Variants in RIF1 observed in about 807,000 individuals in gnomAD.
The protein encoded by RIF1 is replication timing regulatory factor 1.
RIF1 carries 45 observed loss-of-function variants against 247.1 expected under a neutral mutation model. That is an observed-to-expected ratio of 0.18 (90% confidence interval 0.14 to 0.23). The LOEUF is 0.23. Ranked by LOEUF, RIF1 falls within the 10% of genes least tolerant of loss-of-function variation. The pLI is 1.00. For synonymous variants in RIF1, 1,087 were observed against 978.8 expected (o/e 1.11, Z -2.06); for missense variants, 2,967 against 2,862.5 (o/e 1.04, Z -0.83).
At position 151,479,453 on chromosome 2, in the gene RIF1, TTA is replaced by T. The variant is rs2049077477; in HGVS notation, c.*4383_*4384del. 6.6e-6 allele frequency: 1 copy of T among 152,194 alleles called. No individual in the cohort carries two copies. The highest frequency in any genetic ancestry group is 1.5e-5 in the Non-Finnish European group (1 of 68,044). 9.4% of individuals were successfully genotyped at this position (152,194 alleles called of 1,614,324 possible). A position where few individuals can be genotyped will look rare whatever the true frequency, so the allele number is the denominator to read the frequency against. Reference sequence around the variant, plus strand: ...TTGATTTCTAAGTATTAGAATATATTTAGTCTCTAAATAAATCTTGCCTTCTA... The same window carrying T: ...TTGATTTCTAAGTATTAGAATATATTGTCTCTAAATAAATCTTGCCTTCTA... On this transcript the variant is annotated 3_prime_UTR_variant, in exon 36 of 36. Coordinates refer to ENST00000444746, the MANE Select transcript of RIF1 (RefSeq NM_018151.5).
Position 151,420,171 on chromosome 2 carries a change from A to G in RIF1, c.504-19A>G. On this transcript the variant is annotated intron_variant, in intron 6 of 35. Coordinates refer to ENST00000444746, the MANE Select transcript of RIF1 (RefSeq NM_018151.5). The stretch of plus-strand genomic sequence containing the variant: ...AAACATGAGGTCACGCTAATTATTC[A>G]TTGATTTCTCTATTATAGGCTAATT... 6.3e-7 allele frequency: 1 copy of G among 1,596,566 alleles called. No homozygotes were observed. The highest frequency in any genetic ancestry group is 1.1e-5 in the South Asian group (1 of 89,738).
downstream of RIF1, chr2:151,485,793 TC>T (rs1205824305): frequency 1.2e-6 from 2 of 1,612,890 alleles, no homozygotes; most frequent in Non-Finnish European, 1.7e-6. Context: ...CTGGGAGCAT[TC>T]CGGTCCTGCC....
intron 15 of RIF1, 34 bp from the exon 16 acceptor site, chr2:151,441,871 G>A (rs1692351517): frequency 2.0e-6 from 2 of 987,346 alleles, no homozygotes; most frequent in Non-Finnish European, 3.1e-6. Flanking sequence ...TATTTTTACG[G>A]CTAATTTACT....
chr2:151,483,458 G>A (rs1450262845), downstream of RIF1: 1 of 152,184 alleles, frequency 6.6e-6, no homozygotes, highest in Admixed American at 6.5e-5. Context: ...GAGTGCATTG[G>A]TTTGGTGGAG....
intron 9 of RIF1, chr2:151,491,558 C>A: frequency 1.2e-6 from 1 of 811,230 alleles, no homozygotes; most frequent in African/African-American, 1.7e-5. Context: ...ATTTTTATGC[C>A]AAATGGGCAG....
chr2:151,509,585 A>T (rs2072346645), downstream of RIF1, among the ~76,000 whole-genome samples: 2 of 152,096 alleles, frequency 1.3e-5, 1 homozygote, highest in South Asian at 4.2e-4. Flanking sequence ...CCAATAATGA[A>T]ATGCAGATGA....
chr2:151,481,002 T>C lies in RIF1; in HGVS notation c.*5931T>C, dbSNP rs1420438732. ...CATTTTGTGACACATGAAAACATAT[T>C]AAATTAAAATTTCAGTATCCAGAAA... On this transcript the variant is annotated 3_prime_UTR_variant, in exon 36 of 36. Coordinates refer to ENST00000444746, the MANE Select transcript of RIF1 (RefSeq NM_018151.5). The C allele has an allele frequency of 6.6e-6, 1 of 152,204 alleles. No homozygotes were observed. Among genetic ancestry groups the C allele is most frequent in the East Asian group, 1.9e-4 (1 of 5,198 alleles). The allele number at this position is 152,204 out of a possible 1,614,324, so 9.4% of individuals were successfully genotyped here. A position where few individuals can be genotyped will look rare whatever the true frequency, so the allele number is the denominator to read the frequency against.
chr2:151,484,073 T>C (rs1261813293), downstream of RIF1, among the ~76,000 whole-genome samples: 1 of 152,256 alleles, frequency 6.6e-6, no homozygotes, highest in Non-Finnish European at 1.5e-5. Context: ...GAAGAAAGTC[T>C]AGCTGTTCAG....
chr2:151,496,460 A>AAAAC, intron 10 of RIF1: 1 of 1,481,060 alleles, frequency 6.8e-7, no homozygotes, highest in South Asian at 1.3e-5. Flanking sequence ...CCTTGTTAAG[A>AAAAC]AAACACAGTC....
At chr2:151,431,347 A>G (rs777531282) in intron 9 of RIF1, among the ~76,000 whole-genome samples, 1 of 152,224 alleles carries the variant, frequency 6.6e-6, no homozygotes, top group African/African-American at 2.4e-5. Flanking sequence ...TACTGGGTAG[A>G]ATGGCTCAGT....
chr2:151,485,972 G>A, downstream of RIF1: 1 of 1,596,260 alleles, frequency 6.3e-7, no homozygotes, highest in South Asian at 1.1e-5. Flanking sequence ...ATTATATGTT[G>A]GATTTGCAAC....
chr2:151,450,203 T>G (rs1156997329), intron 20 of RIF1, among the ~76,000 whole-genome samples: 1 of 152,098 alleles, frequency 6.6e-6, no homozygotes, highest in Non-Finnish European at 1.5e-5. Context: ...GCTTTGTAAT[T>G]TGAGAATTTT....
At position 151,464,819 on chromosome 2, in the gene RIF1, G is replaced by A. The variant is rs369431913; in HGVS notation, c.5299G>A (p.Val1767Met). ...VEISETKKAD[V>M]QAPVSPSETS... ...GATTAGTGAAACAAAAAAGGCAGATGTGCAAGCACCTGTAAGCCCATCAGA... is the reference window on the plus strand; with the variant it reads ...GATTAGTGAAACAAAAAAGGCAGATATGCAAGCACCTGTAAGCCCATCAGA... The change falls in exon 30 of 36, where the codon GTG becomes ATG. Residue 1767 changes from valine to methionine, a missense_variant. By Grantham distance (21) the Val-to-Met change is conservative (BLOSUM62 1). Around this residue, in one of 7 missense-constraint regions of RIF1, gnomAD observed 2,028 missense variants for 1,825.6 expected, o/e 1.11. Transcript: ENST00000444746. 20 of 1,613,760 alleles carry A rather than the reference G, an allele frequency of 1.2e-5. No homozygotes were observed. Among genetic ancestry groups the A allele is most frequent in the Middle Eastern group, 1.6e-4 (1 of 6,082 alleles).
intron 3 of RIF1, among the ~76,000 whole-genome samples, chr2:151,411,937 TGAA>T (rs1686309292): frequency 6.6e-6 from 1 of 152,252 alleles, no homozygotes; most frequent in East Asian, 1.9e-4. Flanking sequence ...TAGGGGCACT[TGAA>T]TCTGAGTTTG....
chr2:151,513,288 A>G, the RIF1 span, among the ~76,000 whole-genome samples: 1 of 152,236 alleles, frequency 6.6e-6, no homozygotes, highest in Non-Finnish European at 1.5e-5. Flanking sequence ...TGACTCAGAA[A>G]TAAGGCCAAG....
chr2:151,533,448 C>A, the RIF1 span: 1 of 1,548,964 alleles, frequency 6.5e-7, no homozygotes, highest in Admixed American at 2.0e-5. Context: ...TTACCTGGCT[C>A]CACATATGCG....
At chr2:151,436,526 A>G (rs906857750) in intron 11 of RIF1, among the ~76,000 whole-genome samples, 1 of 150,226 alleles carries the variant, frequency 6.7e-6, no homozygotes, top group Admixed American at 6.7e-5. Context: ...GGGCAGTACA[A>G]TGAGACTCTG....
chr2:151,460,058 A>G lies in RIF1; in HGVS notation c.3014A>G (p.Lys1005Arg). Residue 1005 changes from lysine to arginine, a missense_variant, in exon 26 of 36, where the codon AAA (lysine) becomes AGA (arginine). Physicochemically the swap from Lys to Arg is conservative, Grantham distance 26. Around this residue, in one of 7 missense-constraint regions of RIF1, gnomAD observed 2,028 missense variants for 1,825.6 expected, o/e 1.11. Coordinates refer to ENST00000444746, the MANE Select transcript of RIF1 (RefSeq NM_018151.5). ...ISGMERKSNG[K>R]RDSFLAQTKN... ...GGCATGGAGAGAAAATCAAATGGAA[A>G]AAGAGATTCATTTTTGGCACAAACA... 1 of 1,573,760 alleles carries G rather than the reference A, an allele frequency of 6.4e-7. No individual in the cohort carries two copies. The highest frequency in any genetic ancestry group is 8.7e-7 in the Non-Finnish European group (1 of 1,154,436).
In RIF1 at chr2:151,465,915, C is replaced by T. The variant is rs1696804924; in HGVS notation, c.6395C>T (p.Ala2132Val). Residue 2132 changes from alanine (A) to valine (V), a missense_variant, in exon 30 of 36, where the codon GCT becomes GTT. Transcript: ENST00000444746. ...TCACAGTGTCTGGCATCTGGAACAG[C>T]TATCTCTGAGCTAATAATAGAAGAC... Reference protein sequence around the residue: ...EPSQCLASGTAISELIIEDNN... With the variant: ...EPSQCLASGTVISELIIEDNN... 1.2e-6 allele frequency: 2 copies of T among 1,614,114 alleles called. No homozygotes were observed. The highest frequency in any genetic ancestry group is 1.7e-6 in the Non-Finnish European group (2 of 1,179,956).
Sources: gnomAD v4.1 joint callset for allele counts (sites outside exome capture counted in the v4.1 genomes callset) on GRCh38, gnomAD v4.1.1 for gene constraint, gnomAD v4.1.1 regional missense constraint, MANE v1.5 for transcripts, NCBI Gene and HGNC (gene_info 2026-07-23, HGNC 2026-07-21) for gene names.